HCRTR2: variants seen among roughly 807,000 people sequenced by gnomAD.
The protein encoded by HCRTR2 is orexin receptor type 2.
HCRTR2 carries 22 observed loss-of-function variants against 49.0 expected under a neutral mutation model. The ratio of observed to expected loss-of-function variants is 0.45; its 90% CI spans 0.32 to 0.64. HCRTR2 has a LOEUF of 0.64. Among genes scored for constraint, HCRTR2 ranks in the 30% least tolerant of loss-of-function variants. HCRTR2 has a pLI of 0.04. For missense variants in HCRTR2, 491 were observed against 559.4 expected (o/e 0.88, Z 1.23); for synonymous variants, 236 against 205.3 (o/e 1.15, Z -1.28).
intron 1 of HCRTR2, among the ~76,000 whole-genome samples, chr6:55,126,651 C>A (rs374579755): frequency 6.6e-6 from 1 of 152,116 alleles, no homozygotes; most frequent in South Asian, 2.1e-4. Context: ...CTCTTCAGAG[C>A]GGTCAGGCAG....
At chr6:55,208,015 T>C (rs1348742962) in intron 1 of HCRTR2, among the ~76,000 whole-genome samples, 1 of 152,190 alleles carries the variant, frequency 6.6e-6, no homozygotes, top group Non-Finnish European at 1.5e-5. Flanking sequence ...CTAGCTGAGC[T>C]TTAATGGCAT....
At chr6:55,160,799 T>C (rs1213102011) in intron 1 of HCRTR2, among the ~76,000 whole-genome samples, 4 of 152,140 alleles carry the variant, frequency 2.6e-5, no homozygotes, top group African/African-American at 4.8e-5. Flanking sequence ...CCTAAATATA[T>C]ATGCACCCAA....
chr6:55,132,193 T>C (rs1233764754), intron 1 of HCRTR2, among the ~76,000 whole-genome samples: 1 of 151,906 alleles, frequency 6.6e-6, no homozygotes, highest in African/African-American at 2.4e-5. Flanking sequence ...CATACATATA[T>C]ATGATTTGTT....
At chr6:55,184,318 A>G (rs929798383) in intron 1 of HCRTR2, among the ~76,000 whole-genome samples, 2 of 152,166 alleles carry the variant, frequency 1.3e-5, no homozygotes, top group Non-Finnish European at 2.9e-5. Flanking sequence ...ATATTTTCCA[A>G]TATTCTACAT....
At chr6:55,147,913 C>T (rs554179598) in intron 1 of HCRTR2, among the ~76,000 whole-genome samples, 157 of 148,082 alleles carry the variant, frequency 1.1e-3, no homozygotes, top group South Asian at 2.3e-3. Context: ...TGTTAGAGAT[C>T]ATTTCTTTTT....
At chr6:55,179,363 T>C (rs1338665084) in intron 1 of HCRTR2, among the ~76,000 whole-genome samples, 1 of 152,186 alleles carries the variant, frequency 6.6e-6, no homozygotes, top group Non-Finnish European at 1.5e-5. Flanking sequence ...ATATTAACTA[T>C]TAGGCTTTAA....
intron 1 of HCRTR2, among the ~76,000 whole-genome samples, chr6:55,208,564 G>A (rs79019080): frequency 0.011 from 1,667 of 151,952 alleles, 27 homozygotes; most frequent in African/African-American, 0.038. Context: ...ATTTAATCCT[G>A]CAAGATTATG....
chr6:55,141,104 G>T (rs7766442), intron 1 of HCRTR2, among the ~76,000 whole-genome samples: 5,503 of 151,928 alleles, frequency 0.036, 333 homozygotes, highest in African/African-American at 0.12. Flanking sequence ...GGAGGCCGAT[G>T]TGGGTGGATC....
At chr6:55,142,609 T>C (rs1039080982) in intron 1 of HCRTR2, among the ~76,000 whole-genome samples, 5 of 152,136 alleles carry the variant, frequency 3.3e-5, no homozygotes, top group Non-Finnish European at 7.4e-5. Flanking sequence ...TTTTAAAACT[T>C]ACTATATAAG....
At chr6:55,115,914 G>A (rs1764110001) in intron 1 of HCRTR2, among the ~76,000 whole-genome samples, 1 of 151,578 alleles carries the variant, frequency 6.6e-6, no homozygotes, top group African/African-American at 2.4e-5. Flanking sequence ...TTGTTTCCAT[G>A]ATGTATGTGT....
rs1158352975 is a variant in HCRTR2, at chr6:55,282,280, C to T, written c.1161C>T (p.His387=). ...TTTCTTGCTGTTGCCTTGGAGTTCACCATCGCCAGGAGGATCGGCTCACCA... is the reference window on the plus strand; with the variant it reads ...TTTCTTGCTGTTGCCTTGGAGTTCATCATCGCCAGGAGGATCGGCTCACCA... The part of the protein sequence containing the change: ...AAFSCCCLGV[H]HRQEDRLTRG... The change falls in exon 7 of 7, where the codon CAC becomes CAT. Residue 387 remains histidine, a synonymous_variant. Coordinates refer to ENST00000370862, the MANE Select transcript of HCRTR2 (RefSeq NM_001384272.1). The T allele has an allele frequency of 1.9e-6, 3 of 1,613,742 alleles. No individual in the cohort carries two copies. In the African/African-American group the frequency reaches 4.0e-5, roughly 22 times the overall value.
At chr6:55,235,179 GA>G (rs1389025158) in intron 1 of HCRTR2, among the ~76,000 whole-genome samples, 1 of 152,024 alleles carries the variant, frequency 6.6e-6, no homozygotes, top group African/African-American at 2.4e-5. Context: ...TGGCAGGGGG[GA>G]TGTTGTTGGA....
chr6:55,153,682 G>T (rs1349104166), intron 1 of HCRTR2, among the ~76,000 whole-genome samples: 1 of 151,870 alleles, frequency 6.6e-6, no homozygotes, highest in African/African-American at 2.4e-5. Context: ...ATTCAAATTT[G>T]CTTTGGTCAT....
intron 4 of HCRTR2, among the ~76,000 whole-genome samples, chr6:55,275,298 C>T (rs1767056873): frequency 6.6e-6 from 1 of 152,076 alleles, no homozygotes; most frequent in South Asian, 2.1e-4. Context: ...TTTACTTAAT[C>T]CTTCTCAGTG....
At chr6:55,175,321 C>A (rs1331350772) in intron 1 of HCRTR2, among the ~76,000 whole-genome samples, 1 of 152,160 alleles carries the variant, frequency 6.6e-6, no homozygotes, top group South Asian at 2.1e-4. Context: ...GAGGTTTAGT[C>A]TCCAGTCAAG....
At chr6:55,121,418 A>C (rs1764197799) in intron 1 of HCRTR2, among the ~76,000 whole-genome samples, 2 of 152,148 alleles carry the variant, frequency 1.3e-5, no homozygotes, top group African/African-American at 4.8e-5. Context: ...TGTCATCTGC[A>C]AGCAGGGAAA....
At chr6:55,230,806 G>C (rs1017038227) in intron 1 of HCRTR2, among the ~76,000 whole-genome samples, 1 of 151,810 alleles carries the variant, frequency 6.6e-6, no homozygotes, top group South Asian at 2.1e-4. Flanking sequence ...GTGTGGCTCA[G>C]TCATCTGAAT....
intron 1 of HCRTR2, among the ~76,000 whole-genome samples, chr6:55,132,785 GAAAC>G (rs1275648271): frequency 1.4e-5 from 2 of 145,414 alleles, no homozygotes; most frequent in African/African-American, 2.5e-5. Context: ...ATTATAAAGA[GAAAC>G]AAACAAACAA....
intron 1 of HCRTR2, among the ~76,000 whole-genome samples, chr6:55,125,516 C>A (rs973347293): frequency 1.3e-5 from 2 of 152,104 alleles, no homozygotes; most frequent in African/African-American, 4.8e-5. Flanking sequence ...TTGTGGGTAA[C>A]CCGACCTTTC....
Sources: allele counts gnomAD v4.1 joint callset (sites outside exome capture counted in the v4.1 genomes callset), GRCh38; gene constraint gnomAD v4.1.1; transcripts MANE v1.5; gene names NCBI Gene and HGNC (gene_info 2026-07-23, HGNC 2026-07-21).